Variants in ZNF709 observed in about 807,000 individuals in gnomAD.
ZNF709 encodes zinc finger protein 709.
Under a neutral mutation model 10.6 loss-of-function variants are expected in ZNF709, and 15 were observed. The observed-to-expected ratio is 1.41, with a 90% confidence interval of 0.95 to 2.18. ZNF709 has a LOEUF of 2.18. Ranked by LOEUF, ZNF709 falls within the 30% of genes most tolerant of loss-of-function variation. ZNF709 has a pLI of 0.00. For missense variants in ZNF709, 589 were observed against 774.0 expected, an observed-to-expected ratio of 0.76 and a Z score of 2.84; for synonymous variants, 194 against 238.8, an observed-to-expected ratio of 0.81 and a Z score of 1.73.
At chr19:12,483,346 GTCTC>G (rs1970747057) in intron 1 of ZNF709, among the ~76,000 whole-genome samples, 1 of 144,458 alleles carries the variant, frequency 6.9e-6, no homozygotes, top group African/African-American at 2.6e-5. Flanking sequence ...TAGAGATGAG[GTCTC>G]TCTATGTCAC....
At chr19:12,482,072 G>C (rs1257890216) in intron 1 of ZNF709, among the ~76,000 whole-genome samples, 1 of 151,636 alleles carries the variant, frequency 6.6e-6, no homozygotes, top group Non-Finnish European at 1.5e-5. Context: ...GCCAAGGTGG[G>C]AGGACTGTTT....
chr19:12,478,892 A>G (rs1213744784), intron 1 of ZNF709, among the ~76,000 whole-genome samples: 1 of 152,246 alleles, frequency 6.6e-6, no homozygotes, highest in Non-Finnish European at 1.5e-5. Context: ...TGATGTGCAC[A>G]GCCAAAATCA....
In ZNF709 at chr19:12,464,112, G is replaced by A. The variant is rs1454559603; in HGVS notation, c.1810C>T (p.Arg604Ter). ...DKAFSCSRSF[R>*]IHERTHTGEK... ...CCAGTGTGAGTTCGTTCATGGATTCGAAAGGAACGTGAGCAACTGAAGGCT... is the reference window on the plus strand; with the variant it reads ...CCAGTGTGAGTTCGTTCATGGATTCAAAAGGAACGTGAGCAACTGAAGGCT... The change falls in exon 4 of 4, where the codon CGA becomes TGA. Residue 604 changes from arginine to a stop codon, truncating the protein, a stop_gained. Coordinates refer to ENST00000397732, the MANE Select transcript of ZNF709 (RefSeq NM_152601.4). LOFTEE classifies it low-confidence loss of function (END_TRUNC). 1.9e-6 allele frequency: 3 copies of A among 1,562,880 alleles called. No homozygotes were observed. The highest frequency in any genetic ancestry group is 1.2e-5 in the South Asian group (1 of 80,472).
intron 1 of ZNF709, among the ~76,000 whole-genome samples, chr19:12,480,729 G>A (rs1970720153): frequency 1.3e-5 from 2 of 151,774 alleles, no homozygotes; most frequent in African/African-American, 2.4e-5. Context: ...CAGTTCCAGT[G>A]GAAATTCATT....
Position 12,462,747 on chromosome 19 carries a change from A to G in ZNF709, c.*1249T>C, listed in dbSNP as rs1970528400. 1 of 152,176 alleles carries G rather than the reference A, an allele frequency of 6.6e-6. No homozygotes were observed. Among genetic ancestry groups the G allele is most frequent in the South Asian group, 2.1e-4 (1 of 4,834 alleles). The allele number at this position is 152,176 out of a possible 1,614,324, so 9.4% of individuals were successfully genotyped here. On this transcript the variant is annotated 3_prime_UTR_variant, in exon 4 of 4. Transcript: ENST00000397732. ...AAAATTACCAAATTGTCATTTTTTG[A>G]TGGCCCATTACAGCACAACTAAAAA...
chr19:12,466,806 C>T lies in ZNF709; in HGVS notation c.48G>A (p.Glu16=), dbSNP rs553476696. 6.2e-7 allele frequency: 1 copy of T among 1,614,018 alleles called. No homozygotes were observed. The highest frequency in any genetic ancestry group is 1.1e-5 in the South Asian group (1 of 91,084). Residue 16 remains glutamate (E), a synonymous_variant, in exon 2 of 4, where the codon GAG becomes GAA. Transcript: ENST00000397732. ...GAGAGGGACCCAGCAAAGCCCACTC[C>T]TCCTGGGTGAAGTTCACAGCCACAT... is the stretch of plus-strand genomic sequence containing the variant. The part of the protein sequence containing the change: ...FEDVAVNFTQ[E]EWALLGPSQK...
intron 1 of ZNF709, among the ~76,000 whole-genome samples, chr19:12,469,686 G>A (rs974294428): frequency 6.6e-5 from 10 of 152,126 alleles, no homozygotes; most frequent in South Asian, 6.2e-4. Flanking sequence ...GGAGAATGGC[G>A]TGAACCTGGG....
rs1970514507 is a variant in ZNF709, at chr19:12,461,506, T to C, written c.*2490A>G. The C allele has an allele frequency of 1.3e-5, 2 of 152,176 alleles. No individual in the cohort carries two copies. Among genetic ancestry groups the C allele is most frequent in the South Asian group, 4.1e-4 (2 of 4,824 alleles). The allele number at this position is 152,176 out of a possible 1,614,324, so 9.4% of individuals were successfully genotyped here. ...AAGCAGACACCCATGTAGTTCTTTTTGACTGCACCACTGTAGTTGTCACGG... is the reference window on the plus strand; with the variant it reads ...AAGCAGACACCCATGTAGTTCTTTTCGACTGCACCACTGTAGTTGTCACGG... On this transcript the variant is annotated 3_prime_UTR_variant, in exon 4 of 4. Coordinates refer to ENST00000397732, the MANE Select transcript of ZNF709 (RefSeq NM_152601.4).
chr19:12,467,723 C>G (rs2144990428), intron 1 of ZNF709, among the ~76,000 whole-genome samples: 1 of 151,404 alleles, frequency 6.6e-6, no homozygotes, highest in African/African-American at 2.4e-5. Context: ...GGCCCATCGT[C>G]TGAGAGGTGG....
rs1442575091 is a variant in ZNF709, at chr19:12,466,466, G to A, written c.184C>T (p.Leu62=). Residue 62 remains leucine (L), a synonymous_variant, in exon 3 of 4, where the codon CTA becomes TTA. Transcript: ENST00000397732. Reference sequence around the variant, plus strand: ...TCTTTTGTAAGTACAACTCACCTTAGCTTTCTCCCCTGATTTTTGTGATCT... The same window carrying A: ...TCTTTTGTAAGTACAACTCACCTTAACTTTCTCCCCTGATTTTTGTGATCT... ...IEDHKNQGRK[L]RSHMVERLCE... 1 of 1,613,776 alleles carries A rather than the reference G, an allele frequency of 6.2e-7. No individual in the cohort carries two copies. The highest frequency in any genetic ancestry group is 1.1e-5 in the South Asian group (1 of 91,078).
Position 12,464,982 on chromosome 19 carries a change from C to A in ZNF709, c.940G>T (p.Gly314Trp). Residue 314 changes from glycine to tryptophan, a missense_variant, in exon 4 of 4, where the codon GGG becomes TGG. Physicochemically the swap from Gly to Trp is radical, Grantham distance 184 (BLOSUM62 -2). Transcript: ENST00000397732. ...GAACTAGGAAAACTGAAGGCTTTCC[C>A]ACATTTTTTACATTTATAGGGTTTT... Reference protein sequence around the residue: ...GEKPYKCKKCGKAFSFPSSFR... With the variant: ...GEKPYKCKKCWKAFSFPSSFR... 1 of 1,606,514 alleles carries A rather than the reference C, an allele frequency of 6.2e-7. No homozygotes were observed. Among genetic ancestry groups the A allele is most frequent in the Non-Finnish European group, 8.5e-7 (1 of 1,177,820 alleles).
intron 1 of ZNF709, among the ~76,000 whole-genome samples, chr19:12,479,406 T>C (rs1042800415): frequency 1.3e-5 from 2 of 152,228 alleles, no homozygotes; most frequent in African/African-American, 2.4e-5. Context: ...CTTTTCAAGT[T>C]AGACTCAACT....
At chr19:12,472,810 G>A (rs1014939658) in intron 1 of ZNF709, among the ~76,000 whole-genome samples, 1 of 151,954 alleles carries the variant, frequency 6.6e-6, no homozygotes, top group Non-Finnish European at 1.5e-5. Context: ...TTGAGCATGG[G>A]AGGTGGAGGT....
At chr19:12,465,818 T>A in intron 3 of ZNF709, 85 bp from the exon 4 acceptor site, 1 of 1,105,590 alleles carries the variant, frequency 9.0e-7, no homozygotes, top group Non-Finnish European at 1.2e-6. Context: ...TTCACAATCA[T>A]TAGTAGGTAG....
Position 12,466,984 on chromosome 19 carries a change from G to A in ZNF709, c.4-134C>T, listed in dbSNP as rs182228458. On this transcript the variant is annotated intron_variant, in intron 1 of 3. Coordinates refer to ENST00000397732, the MANE Select transcript of ZNF709 (RefSeq NM_152601.4). ...CTTTGTCATCAGAACTCAAATCTTC[G>A]TCCACACTTACTTCTTCATAAATTT... is the stretch of plus-strand genomic sequence containing the variant. The A allele has an allele frequency of 2.4e-4, 305 of 1,289,106 alleles. 1 individual carries two copies. The African/African-American group carries it at 3.7e-3, about 16-fold the overall frequency. 79.9% of individuals were successfully genotyped at this position (1,289,106 alleles called of 1,614,324 possible). A position where few individuals can be genotyped will look rare whatever the true frequency, so the allele number is the denominator to read the frequency against.
At chr19:12,483,302 A>G (rs1247640903) in intron 1 of ZNF709, among the ~76,000 whole-genome samples, 14 of 137,548 alleles carry the variant, frequency 1.0e-4, no homozygotes, top group African/African-American at 3.0e-4. Flanking sequence ...CATTACGCCC[A>G]GCTAATTTTT....
intron 1 of ZNF709, among the ~76,000 whole-genome samples, chr19:12,477,936 CTGTCCCTCA>C (rs1970690321): frequency 6.6e-6 from 1 of 152,210 alleles, no homozygotes. Context: ...GCTTAGGGGC[CTGTCCCTCA>C]TGGTTGCTTT....
chr19:12,464,729 C>T lies in ZNF709; in HGVS notation c.1193G>A (p.Gly398Asp). 1.2e-6 allele frequency: 2 copies of T among 1,613,708 alleles called. No individual in the cohort carries two copies. Among genetic ancestry groups the T allele is most frequent in the Non-Finnish European group, 1.7e-6 (2 of 1,179,780 alleles). The change falls in exon 4 of 4, where the codon GGT (glycine) becomes GAT (aspartate). Residue 398 changes from glycine (G) to aspartate (D), a missense_variant. Gly to Asp is a moderately conservative substitution (Grantham distance 94). Around this residue, in one of 2 missense-constraint regions of ZNF709, gnomAD observed 418 missense variants for 496.3 expected, o/e 0.84. Transcript: ENST00000397732. The stretch of plus-strand genomic sequence containing the variant: ...GGAACTGGAACAACTGAAGGCTTTA[C>T]CACACTGTTTACATTCATAGGGTTT... Reference protein sequence around the residue: ...GEKPYECKQCGKAFSCSSSFR... With the variant: ...GEKPYECKQCDKAFSCSSSFR...
At chr19:12,469,196 C>T (rs1599633239) in intron 1 of ZNF709, among the ~76,000 whole-genome samples, 1 of 152,126 alleles carries the variant, frequency 6.6e-6, no homozygotes, top group African/African-American at 2.4e-5. Context: ...TTCTTCTATT[C>T]CCATGATTAC....
Sources: allele counts gnomAD v4.1 joint callset (sites outside exome capture counted in the v4.1 genomes callset), GRCh38; gene constraint gnomAD v4.1.1; regional missense constraint gnomAD v4.1.1; transcripts MANE v1.5; gene names NCBI Gene and HGNC (gene_info 2026-07-23, HGNC 2026-07-21).